Variants in COL9A1 observed in about 807,000 individuals in gnomAD.
The protein encoded by COL9A1 is collagen type IX alpha 1 chain.
A neutral mutation model predicts 142.6 loss-of-function variants in COL9A1; 104 were observed. That is an observed-to-expected ratio of 0.73 (90% CI 0.62 to 0.86). COL9A1 has a LOEUF of 0.86. Among genes scored for constraint, COL9A1 ranks in the 40% least tolerant of loss-of-function variants. The pLI is 0.00. For missense variants in COL9A1, 1,210 were observed against 1,176.6 expected (o/e 1.03, Z -0.42); for synonymous variants, 466 against 396.0 (o/e 1.18, Z -2.10).
At chr6:70,225,009 C>G (rs1212234818) in intron 37 of COL9A1, among the ~76,000 whole-genome samples, 1 of 152,204 alleles carries the variant, frequency 6.6e-6, no homozygotes, top group African/African-American at 2.4e-5. Flanking sequence ...ACATCAGCCT[C>G]TGGCAGAATT....
Position 70,283,752 on chromosome 6 carries a change from C to T in COL9A1, c.765G>A (p.Leu255=). ...LRPRRETCHE[L]PARITPSQTT... ...GGGGACTCACCGTTATTCTGGCTGG[C>T]AGCTCATGGCAAGTTTCTCTCCTGG... Residue 255 remains leucine, a synonymous_variant, in exon 6 of 38, where the codon CTG becomes CTA. Coordinates refer to ENST00000357250, the MANE Select transcript of COL9A1 (RefSeq NM_001851.6). 6.2e-7 allele frequency: 1 copy of T among 1,611,492 alleles called. No individual in the cohort carries two copies. Among genetic ancestry groups the T allele is most frequent in the Non-Finnish European group, 8.5e-7 (1 of 1,178,968 alleles).
chr6:70,299,619 A>T (rs1773980381), intron 4 of COL9A1, among the ~76,000 whole-genome samples: 1 of 152,192 alleles, frequency 6.6e-6, no homozygotes, highest in Non-Finnish European at 1.5e-5. Context: ...GAAGCCAAGC[A>T]GTGGACGTGT....
chr6:70,288,907 C>T (rs1276224598), intron 5 of COL9A1, among the ~76,000 whole-genome samples: 1 of 152,110 alleles, frequency 6.6e-6, no homozygotes, highest in Non-Finnish European at 1.5e-5. Flanking sequence ...ATGTAAGCGA[C>T]ATTGGAGCAT....
chr6:70,219,140 G>T (rs1404955499), intron 37 of COL9A1, among the ~76,000 whole-genome samples: 1 of 152,102 alleles, frequency 6.6e-6, no homozygotes, highest in African/African-American at 2.4e-5. Context: ...AGGTGAAGTT[G>T]ATTTTTTTAA....
intron 13 of COL9A1, 35 bp from the exon 14 acceptor site, chr6:70,271,743 T>C (rs1238690600): frequency 6.3e-7 from 1 of 1,578,834 alleles, no homozygotes; most frequent in Non-Finnish European, 8.7e-7. Context: ...TGGTCATTTA[T>C]GAATATTTTT....
chr6:70,255,843 G>A lies in COL9A1; in HGVS notation c.1504-453C>T, dbSNP rs199687897. Among the ~76,000 whole-genome samples the A allele has an allele frequency of 1.9e-3, 284 of 152,050 alleles. 4 individuals carry two copies. The East Asian group carries it at 0.041, about 22-fold the overall frequency. ...GCTAATGTTGATATACGTGATATAC[G>A]CTACAGGTGGTAATAGATAAGAGGC... is the stretch of plus-strand genomic sequence containing the variant. On this transcript the variant is annotated intron_variant, in intron 21 of 37. Coordinates refer to ENST00000357250, the MANE Select transcript of COL9A1 (RefSeq NM_001851.6).
At chr6:70,226,270 A>C (rs1352835291) in intron 36 of COL9A1, among the ~76,000 whole-genome samples, 2 of 152,210 alleles carry the variant, frequency 1.3e-5, no homozygotes, top group African/African-American at 4.8e-5. Context: ...AAAACATTCA[A>C]TAAAATAAGA....
At chr6:70,287,887 C>T (rs111579347) in intron 5 of COL9A1, among the ~76,000 whole-genome samples, 164 of 152,270 alleles carry the variant, frequency 1.1e-3, no homozygotes, top group African/African-American at 3.2e-3. Context: ...ACAAATGTTC[C>T]TCATCTCAGC....
chr6:70,238,513 C>T (rs1316389100), intron 33 of COL9A1, among the ~76,000 whole-genome samples: 1 of 152,190 alleles, frequency 6.6e-6, no homozygotes, highest in Non-Finnish European at 1.5e-5. Context: ...ATTCCTCTAT[C>T]TTACTTCCCC....
At chr6:70,264,059 A>G (rs1771867405) in intron 18 of COL9A1, among the ~76,000 whole-genome samples, 1 of 151,938 alleles carries the variant, frequency 6.6e-6, no homozygotes, top group Admixed American at 6.6e-5. Context: ...CTAAATTGTT[A>G]CTGGCTCTAA....
At chr6:70,231,813 C>A (rs749826815) in intron 36 of COL9A1, among the ~76,000 whole-genome samples, 2 of 152,024 alleles carry the variant, frequency 1.3e-5, no homozygotes, top group Non-Finnish European at 2.9e-5. Context: ...AGAAACTACT[C>A]ACTTTATTTA....
intron 10 of COL9A1, among the ~76,000 whole-genome samples, chr6:70,277,521 G>T (rs1583317426): frequency 6.6e-6 from 1 of 152,316 alleles, no homozygotes; most frequent in South Asian, 2.1e-4. Context: ...GCCTTCATAT[G>T]AATATTCATA....
chr6:70,243,041 A>C (rs1010134982), intron 28 of COL9A1, among the ~76,000 whole-genome samples: 5 of 152,194 alleles, frequency 3.3e-5, no homozygotes, highest in Admixed American at 3.3e-4. Context: ...TGTGTTCTTA[A>C]GGTATTGTTA....
intron 10 of COL9A1, chr6:70,280,286 C>A: frequency 8.1e-7 from 1 of 1,238,826 alleles, no homozygotes. Flanking sequence ...CCGCACATCC[C>A]CACTCACTTC....
At chr6:70,234,987 T>C (rs757806560) in intron 33 of COL9A1, 47 bp from the exon 34 acceptor site, 1 of 1,612,944 alleles carries the variant, frequency 6.2e-7, no homozygotes, top group Non-Finnish European at 8.5e-7. Context: ...GCATAAAGAA[T>C]GTGCCTGCTT....
chr6:70,237,251 A>G (rs904263379), intron 33 of COL9A1, among the ~76,000 whole-genome samples: 4 of 152,244 alleles, frequency 2.6e-5, no homozygotes, highest in Non-Finnish European at 5.9e-5. Context: ...ATACTGCTAC[A>G]GTAAGAGCTG....
chr6:70,262,143 C>A (rs1771731035), intron 19 of COL9A1, among the ~76,000 whole-genome samples: 2 of 151,192 alleles, frequency 1.3e-5, no homozygotes, highest in South Asian at 2.1e-4. Flanking sequence ...AACTTTAAAT[C>A]CCTACCAAAT....
intron 24 of COL9A1, 91 bp from the exon 25 acceptor site, chr6:70,254,620 A>G: frequency 8.5e-7 from 1 of 1,177,800 alleles, no homozygotes; most frequent in South Asian, 1.2e-5. Context: ...TTTAAGTAAA[A>G]GGATTGTCCC....
At chr6:70,229,818 A>T (rs986466370) in intron 36 of COL9A1, among the ~76,000 whole-genome samples, 1 of 152,198 alleles carries the variant, frequency 6.6e-6, no homozygotes, top group African/African-American at 2.4e-5. Context: ...AGTGAAAAAC[A>T]GAAAAATTAT....
Sources: allele counts gnomAD v4.1 joint callset (sites outside exome capture counted in the v4.1 genomes callset), GRCh38; gene constraint gnomAD v4.1.1; transcripts MANE v1.5; gene names NCBI Gene and HGNC (gene_info 2026-07-23, HGNC 2026-07-21).